The following FGF12 variants were observed in gnomAD, a reference collection of about 807,000 sequenced individuals.
The protein encoded by FGF12 is fibroblast growth factor 12.
Under a neutral mutation model 23.6 loss-of-function variants are expected in FGF12, and 14 were observed. That is an observed-to-expected ratio of 0.59 (90% CI 0.39 to 0.93). FGF12 has a LOEUF of 0.93. Among genes scored for constraint, FGF12 ranks in the 40% least tolerant of loss-of-function variants. FGF12 has a pLI of 0.00. For missense variants in FGF12, 175 were observed against 217.8 expected, an observed-to-expected ratio of 0.80 and a Z score of 1.24; for synonymous variants, 62 against 77.3, an observed-to-expected ratio of 0.80 and a Z score of 1.04.
intron 2 of FGF12, among the ~76,000 whole-genome samples, chr3:192,454,035 T>C (rs994994668): frequency 6.9e-6 from 1 of 144,926 alleles, no homozygotes; most frequent in African/African-American, 2.6e-5. Context: ...ATTTCTCTCC[T>C]TTTTTTTTTG....
chr3:192,509,709 A>G (rs890288110), intron 2 of FGF12, among the ~76,000 whole-genome samples: 2 of 152,226 alleles, frequency 1.3e-5, no homozygotes, highest in African/African-American at 2.4e-5. Context: ...CACACTAACT[A>G]GAATGGTAAT....
rs182750258 is a variant in FGF12 at position 192,596,571 on chromosome 3, C to T, written c.13+130610G>A. Among the ~76,000 whole-genome samples, 31 of 146,676 alleles carry T rather than the reference C, an allele frequency of 2.1e-4. No homozygotes were observed. The East Asian group carries it at 5.4e-3, about 26-fold the overall frequency. On this transcript the variant is annotated intron_variant, in intron 2 of 5. Transcript: ENST00000445105. Reference sequence around the variant, plus strand: ...GCTTGACATGTCTTTCCCTAGGATACAAAGCAAATATATGGCAAAGCCAGG... The same window carrying T: ...GCTTGACATGTCTTTCCCTAGGATATAAAGCAAATATATGGCAAAGCCAGG...
chr3:192,513,783 C>T (rs1335422293), intron 2 of FGF12, among the ~76,000 whole-genome samples: 2 of 152,124 alleles, frequency 1.3e-5, no homozygotes, highest in Non-Finnish European at 2.9e-5. Flanking sequence ...CTTCCCACAC[C>T]CCACTCCCAG....
chr3:192,203,410 G>A (rs1244593055), intron 4 of FGF12, among the ~76,000 whole-genome samples: 1 of 152,004 alleles, frequency 6.6e-6, no homozygotes, highest in East Asian at 1.9e-4. Flanking sequence ...TTATTGAAAA[G>A]TATAAACAAA....
At chr3:192,180,119 A>G (rs1157801306) in intron 4 of FGF12, among the ~76,000 whole-genome samples, 1 of 151,612 alleles carries the variant, frequency 6.6e-6, no homozygotes, top group Admixed American at 6.6e-5. Context: ...GAGATATCAG[A>G]TCACTTTTCT....
At chr3:192,543,351 T>C (rs1725418382) in intron 2 of FGF12, among the ~76,000 whole-genome samples, 1 of 152,058 alleles carries the variant, frequency 6.6e-6, no homozygotes, top group South Asian at 2.1e-4. Flanking sequence ...CCAAGGGCAC[T>C]TCAGTCAGCA....
Position 192,561,411 on chromosome 3 carries a change from G to A in FGF12, c.13+165770C>T, listed in dbSNP as rs142406926. On this transcript the variant is annotated intron_variant, in intron 2 of 5. Transcript: ENST00000445105. ...AGAGTCTCGCTCTTTCACCCAGGCT[G>A]GAGTGCAGTGGTGCAATCTCAGCCC... Among the ~76,000 whole-genome samples the A allele has an allele frequency of 3.6e-3, 552 of 151,878 alleles. 8 individuals carry two copies. The highest frequency in any genetic ancestry group is 0.01 in the Middle Eastern group (3 of 292).
chr3:192,173,422 C>G (rs920450039), intron 4 of FGF12, among the ~76,000 whole-genome samples: 1 of 142,168 alleles, frequency 7.0e-6, no homozygotes, highest in South Asian at 2.3e-4. Context: ...ACTGGCTCTT[C>G]GAAGGCCTTG....
chr3:192,301,963 C>T (rs148640953), intron 4 of FGF12, among the ~76,000 whole-genome samples: 2,337 of 152,252 alleles, frequency 0.015, 57 homozygotes, highest in African/African-American at 0.052. Flanking sequence ...TTCTCTCTTA[C>T]ACCTTTTGCC....
chr3:192,584,081 T>C (rs1324129845), intron 2 of FGF12, among the ~76,000 whole-genome samples: 5 of 152,352 alleles, frequency 3.3e-5, no homozygotes, highest in African/African-American at 9.6e-5. Flanking sequence ...GACGTGGAAC[T>C]GGCTTCATCC....
chr3:192,248,061 A>C (rs554213353), intron 4 of FGF12, among the ~76,000 whole-genome samples: 1 of 152,316 alleles, frequency 6.6e-6, no homozygotes, highest in African/African-American at 2.4e-5. Flanking sequence ...AGCAAATTTT[A>C]TCTTGTTCCA....
In FGF12 at chr3:192,514,239, C is replaced by A. The variant is rs560509946; in HGVS notation, c.14-153701G>T. ...GACAAAGCAAGAAAAAGAAAATATA[C>A]CTGCCTTGCCAGCCATCTGTTTAAA... is the stretch of plus-strand genomic sequence containing the variant. On this transcript the variant is annotated intron_variant, in intron 2 of 5. Transcript: ENST00000445105. The surrounding 1 kb of genome is among the most constrained non-coding windows in gnomAD (Gnocchi z 4.9). 2.6e-5 allele frequency among the ~76,000 whole-genome samples: 4 copies of A among 152,340 alleles called. No homozygotes were observed. The East Asian group carries it at 7.7e-4, about 29-fold the overall frequency.
intron 2 of FGF12, among the ~76,000 whole-genome samples, chr3:192,539,956 C>T (rs1725324429): frequency 6.6e-6 from 1 of 151,930 alleles, no homozygotes; most frequent in African/African-American, 2.4e-5. Context: ...ACAGTAGCCT[C>T]TAATGATCCT....
chr3:192,578,511 T>C (rs772231615), intron 2 of FGF12, among the ~76,000 whole-genome samples: 2 of 152,250 alleles, frequency 1.3e-5, no homozygotes, highest in Non-Finnish European at 2.9e-5. Context: ...TTAACTGCTC[T>C]TATTCCTTAA....
At chr3:192,377,381 TC>T (rs1266299475) in intron 2 of FGF12, among the ~76,000 whole-genome samples, 1 of 152,180 alleles carries the variant, frequency 6.6e-6, no homozygotes, top group Admixed American at 6.5e-5. Flanking sequence ...AATTCCCTCT[TC>T]TTTTCTGGCA....
rs139545796 is a variant in FGF12, at chr3:192,575,328, G to A, written c.13+151853C>T. On this transcript the variant is annotated intron_variant, in intron 2 of 5. Transcript: ENST00000445105. ...ACATTTTAATTGTGCACAGTTTGTT[G>A]TAATCTGTCAATTAAACCTCAATAG... Among the ~76,000 whole-genome samples, 238 of 152,340 alleles carry A rather than the reference G, an allele frequency of 1.6e-3. 1 individual carries two copies. Among genetic ancestry groups the A allele is most frequent in the African/African-American group, 5.4e-3 (225 of 41,586 alleles).
At chr3:192,214,653 T>C (rs1213950184) in intron 4 of FGF12, among the ~76,000 whole-genome samples, 1 of 152,186 alleles carries the variant, frequency 6.6e-6, no homozygotes, top group African/African-American at 2.4e-5. Context: ...GAAATAAGCA[T>C]GGAGAAGGCA....
At chr3:192,572,982 T>C (rs1712707566) in intron 2 of FGF12, among the ~76,000 whole-genome samples, 1 of 152,180 alleles carries the variant, frequency 6.6e-6, no homozygotes, top group South Asian at 2.1e-4. Flanking sequence ...AGAAGGGTGA[T>C]GACATGACTC....
intron 2 of FGF12, among the ~76,000 whole-genome samples, chr3:192,692,242 G>A (rs1044923475): frequency 1.3e-5 from 2 of 152,114 alleles, no homozygotes; most frequent in African/African-American, 4.8e-5. Context: ...TACCTCTGAT[G>A]AACATCGATG....
Sources: gnomAD v4.1 joint callset for allele counts (sites outside exome capture counted in the v4.1 genomes callset) on GRCh38, gnomAD v4.1.1 for gene constraint, Gnocchi (gnomAD v3.1) non-coding constraint, MANE v1.5 for transcripts, NCBI Gene and HGNC (gene_info 2026-07-23, HGNC 2026-07-21) for gene names.